The following SOCS7 variants were observed in gnomAD, a reference collection of about 807,000 sequenced individuals.
SOCS7 encodes NAP-4.
Under a neutral mutation model 58.9 loss-of-function variants are expected in SOCS7, and 18 were observed. That is an observed-to-expected ratio of 0.31 (90% CI 0.21 to 0.45). The LOEUF (loss-of-function observed/expected upper bound fraction) is 0.45. Ranked by LOEUF, SOCS7 falls within the 20% of genes least tolerant of loss-of-function variation. SOCS7 has a pLI of 1.00. For synonymous variants in SOCS7, 388 were observed against 364.3 expected (o/e 1.06, Z -0.74); for missense variants, 667 against 837.3 (o/e 0.80, Z 2.51).
At position 38,365,392 on chromosome 17, in the gene SOCS7, C is replaced by T; in HGVS notation, c.1235C>T (p.Pro412Leu). 1 of 1,611,806 alleles carries T rather than the reference C, an allele frequency of 6.2e-7. No individual in the cohort carries two copies. The highest frequency in any genetic ancestry group is 1.1e-5 in the South Asian group (1 of 90,688). ...SLQSFPLPPP[P>L]PPHAPDAFPR... ...CAGTCTTTCCCCCTACCTCCGCCTCCTCCACCCCATGCCCCAGGTTAGCTT... is the reference window on the plus strand; with the variant it reads ...CAGTCTTTCCCCCTACCTCCGCCTCTTCCACCCCATGCCCCAGGTTAGCTT... Residue 412 changes from proline to leucine, a missense_variant, in exon 4 of 10, where the codon CCT becomes CTT. Around this residue, in one of 9 missense-constraint regions of SOCS7, gnomAD observed 99 missense variants for 122.9 expected, o/e 0.81. Transcript: ENST00000612932.
chr17:38,369,167 G>A (rs1035693841), intron 6 of SOCS7, among the ~76,000 whole-genome samples: 5 of 152,138 alleles, frequency 3.3e-5, no homozygotes, highest in African/African-American at 1.2e-4. Context: ...TGTGTTTCAG[G>A]GACTTGCTTC....
intron 7 of SOCS7, among the ~76,000 whole-genome samples, chr17:38,391,637 G>C (rs2038174251): frequency 6.6e-6 from 1 of 152,082 alleles, no homozygotes; most frequent in African/African-American, 2.4e-5. Flanking sequence ...CTGGGCTCAA[G>C]CAGTCCTCCC....
chr17:38,374,385 A>G (rs1019453853), intron 6 of SOCS7, among the ~76,000 whole-genome samples: 4 of 152,104 alleles, frequency 2.6e-5, no homozygotes, highest in Admixed American at 6.6e-5. Context: ...AAAAGATACA[A>G]AAATTAGCTG....
rs41351844 is a variant in SOCS7, at chr17:38,352,622, C to T, written c.570C>T (p.Ser190=). 1,826 of 1,550,056 alleles carry T rather than the reference C, an allele frequency of 1.2e-3. 18 individuals carry two copies. In the African/African-American group the frequency reaches 0.022, roughly 19 times the overall value. Residue 190 remains serine (S), a synonymous_variant, in exon 1 of 10, where the codon AGC becomes AGT. Transcript: ENST00000612932. The surrounding 1 kb of genome is among the most constrained non-coding windows in gnomAD (Gnocchi z 5.5). The stretch of plus-strand genomic sequence containing the variant: ...AGGGCTTGGAATCGGAGGCCGAGAG[C>T]CTGGAGACTAACAGCTGCTCGGAAG... ...VLEGLESEAE[S]LETNSCSEEE...
chr17:38,387,623 TAC>T (rs374312457), intron 7 of SOCS7, among the ~76,000 whole-genome samples: 2 of 88,316 alleles, frequency 2.3e-5, no homozygotes, highest in African/African-American at 1.7e-4. Flanking sequence ...ATATTATATA[TAC>T]AATATATTGT....
At position 38,395,391 on chromosome 17, in the gene SOCS7, C is replaced by A. The variant is rs1438873806; in HGVS notation, c.1764C>A (p.Phe588Leu). 1.2e-6 allele frequency: 2 copies of A among 1,614,146 alleles called. No homozygotes were observed. The highest frequency in any genetic ancestry group is 1.7e-6 in the Non-Finnish European group (2 of 1,180,000). The change falls in exon 8 of 10, where the codon TTC becomes TTA. Residue 588 changes from phenylalanine (F) to leucine (L), a missense_variant. By Grantham distance (22) the Phe-to-Leu change is conservative. Coordinates refer to ENST00000612932, the MANE Select transcript of SOCS7 (RefSeq NM_014598.4). The part of the protein sequence containing the change: ...NVKSLQHLCR[F>L]RIRQLVRIDH... ...AATCCCTCCAGCACCTTTGCAGATTCCGGATACGACAGCTCGTCAGGATAG... is the reference window on the plus strand; with the variant it reads ...AATCCCTCCAGCACCTTTGCAGATTACGGATACGACAGCTCGTCAGGATAG...
At chr17:38,387,443 T>G (rs1263312665) in intron 7 of SOCS7, among the ~76,000 whole-genome samples, 3 of 143,794 alleles carry the variant, frequency 2.1e-5, no homozygotes, top group Non-Finnish European at 3.0e-5. Context: ...AGACTCTGTC[T>G]CAAAAAAATA....
chr17:38,358,720 A>G (rs372439258), intron 1 of SOCS7, among the ~76,000 whole-genome samples: 22 of 152,230 alleles, frequency 1.4e-4, no homozygotes, highest in African/African-American at 1.9e-4. Flanking sequence ...AGAAGCATGC[A>G]TATTTATTAG....
intron 9 of SOCS7, among the ~76,000 whole-genome samples, chr17:38,396,642 A>G (rs1206501041): frequency 6.6e-6 from 1 of 152,234 alleles, no homozygotes; most frequent in African/African-American, 2.4e-5. Flanking sequence ...TTATTTTCCC[A>G]TAAAACATCT....
intron 1 of SOCS7, 113 bp downstream of exon 1, chr17:38,353,145 C>CA: frequency 1.9e-6 from 2 of 1,048,724 alleles, no homozygotes; most frequent in Non-Finnish European, 2.7e-6. Flanking sequence ...CAGGAGGAGG[C>CA]AGAGACTTGG....
chr17:38,373,106 C>CAAA (rs372032423), intron 6 of SOCS7, among the ~76,000 whole-genome samples: 1 of 113,080 alleles, frequency 8.8e-6, no homozygotes, highest in Admixed American at 9.4e-5. Context: ...AACTCTGTCT[C>CAAA]AAAAAAAAAA....
At chr17:38,367,634 A>C (rs1383380771) in intron 5 of SOCS7, among the ~76,000 whole-genome samples, 1 of 152,208 alleles carries the variant, frequency 6.6e-6, no homozygotes, top group Non-Finnish European at 1.5e-5. Context: ...TCAGCCTCCC[A>C]AAGTGTTGGG....
intron 1 of SOCS7, among the ~76,000 whole-genome samples, chr17:38,360,251 C>T (rs1324347486): frequency 6.7e-6 from 1 of 150,128 alleles, no homozygotes; most frequent in East Asian, 1.9e-4. Flanking sequence ...GGCTGGAGTG[C>T]AGTGGTGTGA....
intron 2 of SOCS7, among the ~76,000 whole-genome samples, 182 bp from the exon 3 acceptor site, chr17:38,364,570 A>G (rs1056797826): frequency 2.6e-5 from 4 of 152,208 alleles, no homozygotes. Flanking sequence ...CAAAGGAATG[A>G]TAGAATTTAA....
chr17:38,379,673 A>G (rs936993327), intron 7 of SOCS7, among the ~76,000 whole-genome samples: 1 of 152,060 alleles, frequency 6.6e-6, no homozygotes, highest in Admixed American at 6.6e-5. Flanking sequence ...GGGGATTTGA[A>G]TAAGGCATGA....
chr17:38,369,094 T>A (rs2037828839), intron 6 of SOCS7, among the ~76,000 whole-genome samples: 1 of 152,212 alleles, frequency 6.6e-6, no homozygotes, highest in African/African-American at 2.4e-5. Flanking sequence ...TGAGGCTGGG[T>A]AATACATCCT....
intron 7 of SOCS7, among the ~76,000 whole-genome samples, chr17:38,383,317 C>T (rs2038027234): frequency 6.6e-6 from 1 of 152,134 alleles, no homozygotes; most frequent in African/African-American, 2.4e-5. Context: ...ACAGAGTAAG[C>T]ACTCAACAGA....
intron 1 of SOCS7, among the ~76,000 whole-genome samples, chr17:38,359,710 G>A (rs777957879): frequency 3.2e-4 from 48 of 151,090 alleles, no homozygotes; most frequent in Non-Finnish European, 4.9e-4. Context: ...CAATTCTGCG[G>A]TAGGATTTTC....
chr17:38,354,858 T>C (rs906067843), intron 1 of SOCS7, among the ~76,000 whole-genome samples: 1 of 152,226 alleles, frequency 6.6e-6, no homozygotes, highest in Non-Finnish European at 1.5e-5. Context: ...TGAAATTAGC[T>C]GCTACGTCTA....
Sources: allele counts gnomAD v4.1 joint callset (sites outside exome capture counted in the v4.1 genomes callset), GRCh38; gene constraint gnomAD v4.1.1; regional missense constraint gnomAD v4.1.1; non-coding constraint Gnocchi (gnomAD v3.1); transcripts MANE v1.5; gene names NCBI Gene and HGNC (gene_info 2026-07-23, HGNC 2026-07-21).